The following B4GALT5 variants were observed in gnomAD, a reference collection of about 807,000 sequenced individuals.
B4GALT5 encodes the protein UDP-Gal:beta-GlcNAc beta-1,4-galactosyltransferase 5.
Under a neutral mutation model 45.0 loss-of-function variants are expected in B4GALT5, and 11 were observed. That is an observed-to-expected ratio of 0.24 (90% confidence interval 0.15 to 0.40). B4GALT5 has a LOEUF of 0.40. Among genes scored for constraint, B4GALT5 ranks in the 10% least tolerant of loss-of-function variants. The pLI is 1.00. For synonymous variants in B4GALT5, 185 were observed against 182.9 expected, an observed-to-expected ratio of 1.01 and a Z score of -0.09; for missense variants, 337 against 500.2, an observed-to-expected ratio of 0.67 and a Z score of 3.11.
intron 1 of B4GALT5, among the ~76,000 whole-genome samples, chr20:49,703,479 A>G (rs891014582): frequency 1.3e-5 from 2 of 152,194 alleles, no homozygotes; most frequent in Non-Finnish European, 2.9e-5. Context: ...GCACCATCCT[A>G]GGCACAAGGA....
intron 1 of B4GALT5, among the ~76,000 whole-genome samples, chr20:49,683,404 T>G (rs1463264614): frequency 6.8e-6 from 1 of 146,218 alleles, no homozygotes; most frequent in Non-Finnish European, 1.5e-5. Flanking sequence ...TTTTTTTTTT[T>G]TTTTTTGGAG....
chr20:49,663,827 C>T (rs1283542457), intron 1 of B4GALT5, among the ~76,000 whole-genome samples: 1 of 151,006 alleles, frequency 6.6e-6, no homozygotes, highest in African/African-American at 2.4e-5. Context: ...TACTCCGATA[C>T]ATTCTTTGAG....
intron 1 of B4GALT5, among the ~76,000 whole-genome samples, chr20:49,664,946 A>G (rs556057864): frequency 1.2e-3 from 185 of 152,354 alleles, no homozygotes; most frequent in Non-Finnish European, 1.4e-3. Context: ...TATTTTCTCA[A>G]TGTCTCTACA....
chr20:49,649,971 G>C (rs568554939), intron 2 of B4GALT5, among the ~76,000 whole-genome samples: 1 of 152,004 alleles, frequency 6.6e-6, no homozygotes, highest in Non-Finnish European at 1.5e-5. Context: ...CAACAAAAAC[G>C]AAGATAATAA....
At chr20:49,663,670 C>T (rs866645999) in intron 1 of B4GALT5, among the ~76,000 whole-genome samples, 44 of 25,216 alleles carry the variant, frequency 1.7e-3, no homozygotes, top group African/African-American at 7.7e-3. Context: ...GAGAATTCAT[C>T]TCAAGAAAAA....
chr20:49,684,938 T>C lies in B4GALT5; in HGVS notation c.116-28236A>G, dbSNP rs6019973. Among the ~76,000 whole-genome samples, 648 of 152,346 alleles carry C rather than the reference T, an allele frequency of 4.3e-3. 6 individuals are homozygous for C. Among genetic ancestry groups the C allele is most frequent in the African/African-American group, 0.015 (621 of 41,576 alleles). ...GTAGGCCTTCAGGAAGTCACAGTTATTATTTGTATAAGCCTTTCAGTTTAG... is the reference window on the plus strand; with the variant it reads ...GTAGGCCTTCAGGAAGTCACAGTTACTATTTGTATAAGCCTTTCAGTTTAG... On this transcript the variant is annotated intron_variant, in intron 1 of 8. Coordinates refer to ENST00000371711, the MANE Select transcript of B4GALT5 (RefSeq NM_004776.4).
intron 1 of B4GALT5, among the ~76,000 whole-genome samples, chr20:49,658,731 G>C (rs1307784596): frequency 1.3e-5 from 2 of 152,030 alleles, no homozygotes; most frequent in African/African-American, 4.8e-5. Context: ...CTGTTTCCTA[G>C]GTCCCACTAC....
chr20:49,671,864 C>T (rs1178560772), intron 1 of B4GALT5, among the ~76,000 whole-genome samples: 1 of 151,622 alleles, frequency 6.6e-6, no homozygotes, highest in Non-Finnish European at 1.5e-5. Context: ...TTTTTTAAAA[C>T]AATAATCAAT....
intron 1 of B4GALT5, among the ~76,000 whole-genome samples, chr20:49,698,028 T>A (rs1477250110): frequency 6.6e-6 from 1 of 152,118 alleles, no homozygotes; most frequent in Non-Finnish European, 1.5e-5. Flanking sequence ...TTTTATATGT[T>A]TGGAAATTTC....
At chr20:49,697,519 A>G (rs1432397667) in intron 1 of B4GALT5, among the ~76,000 whole-genome samples, 1 of 151,594 alleles carries the variant, frequency 6.6e-6, no homozygotes, top group Non-Finnish European at 1.5e-5. Context: ...TTATCCGCCC[A>G]TCTCTATTCC....
Position 49,636,317 on chromosome 20 carries a change from A to G in B4GALT5, c.1162T>C (p.Tyr388His), listed in dbSNP as rs1310521142. 1.2e-6 allele frequency: 2 copies of G among 1,612,584 alleles called. No homozygotes were observed. The highest frequency in any genetic ancestry group is 1.3e-5 in the African/African-American group (1 of 74,330). ...CAAACGTACATTCTCTCCTCTCAGT[A>G]CTCGTTCACCTGAGCCAGCTCGGGT... Reference protein sequence around the residue: ...LTPELAQVNEY With the variant: ...LTPELAQVNEH The change falls in exon 9 of 9, where the codon TAC (tyrosine) becomes CAC (histidine). Residue 388 changes from tyrosine (Y) to histidine (H), a missense_variant. Coordinates refer to ENST00000371711, the MANE Select transcript of B4GALT5 (RefSeq NM_004776.4).
intron 1 of B4GALT5, chr20:49,684,537 T>C: frequency 1.9e-6 from 1 of 514,378 alleles, no homozygotes; most frequent in African/African-American, 1.9e-5. Flanking sequence ...CACTCCAGCC[T>C]GGGCGATAGA....
rs1257309397 is a variant in B4GALT5 at position 49,647,086 on chromosome 20, G to A, written c.251-8C>T. The A allele has an allele frequency of 6.3e-7, 1 of 1,596,746 alleles. No individual in the cohort carries two copies. Among genetic ancestry groups the A allele is most frequent in the South Asian group, 1.1e-5 (1 of 90,088 alleles). On this transcript the variant is annotated splice_polypyrimidine_tract_variant and splice_region_variant and intron_variant, in intron 2 of 8. Coordinates refer to ENST00000371711, the MANE Select transcript of B4GALT5 (RefSeq NM_004776.4). ...TCAAGTCAAGAGGATAATCTAGGGAGGTAAAGGAAAAAAGTCGATCAGACT... is the reference window on the plus strand; with the variant it reads ...TCAAGTCAAGAGGATAATCTAGGGAAGTAAAGGAAAAAAGTCGATCAGACT...
At chr20:49,653,957 G>A (rs370854639) in intron 2 of B4GALT5, among the ~76,000 whole-genome samples, 17 of 152,270 alleles carry the variant, frequency 1.1e-4, no homozygotes, top group African/African-American at 4.1e-4. Context: ...TTGCCAGACC[G>A]GCAGTGGTGT....
chr20:49,679,409 C>T (rs1383244633), intron 1 of B4GALT5, among the ~76,000 whole-genome samples: 1 of 151,944 alleles, frequency 6.6e-6, no homozygotes, highest in African/African-American at 2.4e-5. Flanking sequence ...AAACAAATAC[C>T]TTGTTTCCCA....
rs759159795 is a variant in B4GALT5, at chr20:49,636,304, C to T, written c.*8G>A. On this transcript the variant is annotated 3_prime_UTR_variant, in exon 9 of 9. Transcript: ENST00000371711. ...GCGGTGGGTAAAGCAAACGTACATTCTCTCCTCTCAGTACTCGTTCACCTG... is the reference window on the plus strand; with the variant it reads ...GCGGTGGGTAAAGCAAACGTACATTTTCTCCTCTCAGTACTCGTTCACCTG... The T allele has an allele frequency of 6.2e-6, 10 of 1,613,780 alleles. No homozygotes were observed. The South Asian group carries it at 1.1e-4, about 18-fold the overall frequency.
intron 2 of B4GALT5, among the ~76,000 whole-genome samples, chr20:49,649,556 G>T (rs2085612622): frequency 6.6e-6 from 1 of 151,916 alleles, no homozygotes; most frequent in Admixed American, 6.6e-5. Context: ...CTCCAGCCTG[G>T]GTGACAGAAT....
At chr20:49,703,822 G>A (rs1019818186) in intron 1 of B4GALT5, among the ~76,000 whole-genome samples, 5 of 151,848 alleles carry the variant, frequency 3.3e-5, no homozygotes, top group African/African-American at 1.2e-4. Context: ...CCAGGAAGCA[G>A]GGGTTGCAGT....
At chr20:49,677,521 A>C (rs1202043208) in intron 1 of B4GALT5, among the ~76,000 whole-genome samples, 1 of 152,248 alleles carries the variant, frequency 6.6e-6, no homozygotes, top group Admixed American at 6.5e-5. Flanking sequence ...ATTATGTTAA[A>C]GTAAGTCTTC....
Sources: allele counts gnomAD v4.1 joint callset (sites outside exome capture counted in the v4.1 genomes callset), GRCh38; gene constraint gnomAD v4.1.1; transcripts MANE v1.5; gene names NCBI Gene and HGNC (gene_info 2026-07-23, HGNC 2026-07-21).